CYP39A1: variants seen among roughly 807,000 people sequenced by gnomAD.
CYP39A1 encodes the protein cytochrome P450 family 39 subfamily A member 1, also known as 24-hydroxycholesterol 7-alpha-hydroxylase.
In CYP39A1, 49 loss-of-function variants were observed where a neutral mutation model predicts 58.1. That is an observed-to-expected ratio of 0.84 (90% CI 0.67 to 1.07). The LOEUF is 1.07. Ranked by LOEUF, CYP39A1 falls within the 50% of genes least tolerant of loss-of-function variation. CYP39A1 has a pLI of 0.00. For synonymous variants in CYP39A1, 209 were observed against 187.6 expected (o/e 1.11, Z -0.93); for missense variants, 531 against 539.4 (o/e 0.98, Z 0.16).
At chr6:46,582,876 T>C (rs1001400786) in intron 10 of CYP39A1, among the ~76,000 whole-genome samples, 7 of 152,196 alleles carry the variant, frequency 4.6e-5, no homozygotes, top group African/African-American at 1.7e-4. Context: ...ACCTGACACA[T>C]AGCACACACT....
chr6:46,607,203 A>C (rs1001788486), intron 7 of CYP39A1, among the ~76,000 whole-genome samples: 11 of 152,252 alleles, frequency 7.2e-5, no homozygotes, highest in East Asian at 3.9e-4. Flanking sequence ...AACACACACA[A>C]AAAATACCTG....
intron 10 of CYP39A1, among the ~76,000 whole-genome samples, chr6:46,570,855 C>T (rs1771551745): frequency 6.6e-6 from 1 of 152,198 alleles, no homozygotes; most frequent in Non-Finnish European, 1.5e-5. Flanking sequence ...CCCAATAGGG[C>T]CACCTCCAAT....
intron 9 of CYP39A1, 140 bp from the exon 10 acceptor site, chr6:46,587,305 G>A: frequency 1.5e-6 from 1 of 672,872 alleles, no homozygotes; most frequent in Non-Finnish European, 2.7e-6. Flanking sequence ...TTTCCACCCT[G>A]TTATTAATAT....
chr6:46,639,471 A>G (rs1320632315), intron 3 of CYP39A1, 23 bp downstream of exon 3: 4 of 1,606,898 alleles, frequency 2.5e-6, no homozygotes, highest in Non-Finnish European at 3.4e-6. Context: ...GCAAGACTAA[A>G]TCATACTAAT....
At chr6:46,645,231 ATTC>A (rs1382901660) in intron 1 of CYP39A1, among the ~76,000 whole-genome samples, 4 of 152,156 alleles carry the variant, frequency 2.6e-5, no homozygotes, top group Non-Finnish European at 4.4e-5. Flanking sequence ...TTAGGAAGAT[ATTC>A]TTCTATATTT....
intron 6 of CYP39A1, 29 bp downstream of exon 6, chr6:46,630,934 C>T (rs367872860): frequency 5.4e-6 from 8 of 1,483,104 alleles, no homozygotes; most frequent in African/African-American, 2.8e-5. Flanking sequence ...TGGAGAGCAA[C>T]GTAACTCATA....
intron 7 of CYP39A1, among the ~76,000 whole-genome samples, chr6:46,608,373 A>G (rs1773978777): frequency 6.6e-6 from 1 of 152,176 alleles, no homozygotes; most frequent in Non-Finnish European, 1.5e-5. Flanking sequence ...GAGAACAGAG[A>G]CAAAGCTAAA....
intron 7 of CYP39A1, among the ~76,000 whole-genome samples, chr6:46,621,185 A>T (rs1774934698): frequency 6.6e-6 from 1 of 151,662 alleles, no homozygotes; most frequent in Admixed American, 6.6e-5. Context: ...GAGGAAAAAA[A>T]GGAATCAACA....
chr6:46,648,612 T>C (rs1173717437), intron 1 of CYP39A1, among the ~76,000 whole-genome samples: 1 of 151,892 alleles, frequency 6.6e-6, no homozygotes, highest in Non-Finnish European at 1.5e-5. Context: ...GGCACATGTA[T>C]ACATATGTAA....
chr6:46,584,635 G>T (rs1772351769), intron 10 of CYP39A1, among the ~76,000 whole-genome samples: 1 of 152,078 alleles, frequency 6.6e-6, no homozygotes, highest in East Asian at 1.9e-4. Flanking sequence ...CATACATCAG[G>T]TATTAAGGGG....
intron 10 of CYP39A1, among the ~76,000 whole-genome samples, chr6:46,568,627 G>A (rs959784116): frequency 2.0e-5 from 3 of 151,930 alleles, no homozygotes; most frequent in South Asian, 4.1e-4. Context: ...TTGTCCCAGC[G>A]CCATTCATTG....
At chr6:46,553,246 G>T (rs1055661766) in intron 11 of CYP39A1, among the ~76,000 whole-genome samples, 12 of 152,162 alleles carry the variant, frequency 7.9e-5, no homozygotes, top group Non-Finnish European at 1.5e-5. Flanking sequence ...TATGAGAATA[G>T]ATCTACAGAA....
At chr6:46,558,148 G>T (rs1259370104) in intron 10 of CYP39A1, among the ~76,000 whole-genome samples, 6 of 151,862 alleles carry the variant, frequency 4.0e-5, no homozygotes, top group Non-Finnish European at 8.8e-5. Flanking sequence ...TTAAAGAATA[G>T]AAAGAAAAAT....
intron 10 of CYP39A1, among the ~76,000 whole-genome samples, chr6:46,566,182 G>C (rs9381463): frequency 0.2 from 30,990 of 152,086 alleles, 3,279 homozygotes; most frequent in African/African-American, 0.22. Context: ...TTGTTCTAAT[G>C]GTGATCCTAT....
Position 46,618,534 on chromosome 6 carries a change from A to G in CYP39A1, c.931+6884T>C, listed in dbSNP as rs112796634. Among the ~76,000 whole-genome samples, 1,371 of 152,256 alleles carry G rather than the reference A, an allele frequency of 9.0e-3. 29 individuals are homozygous for G. Among genetic ancestry groups the G allele is most frequent in the African/African-American group, 0.031 (1,290 of 41,552 alleles). On this transcript the variant is annotated intron_variant, in intron 7 of 11. Coordinates refer to ENST00000275016, the MANE Select transcript of CYP39A1 (RefSeq NM_016593.5). ...ATATATGTTTCACCCAAAATTAAGGAACAAAATAAAACCATAGGCAAAAAA... is the reference window on the plus strand; with the variant it reads ...ATATATGTTTCACCCAAAATTAAGGGACAAAATAAAACCATAGGCAAAAAA...
rs17856332 is a variant in CYP39A1 at position 46,625,487 on chromosome 6, A to G, written c.862T>C (p.Tyr288His). ...TGGATATCAGGATGAGAAAGGACGT[A>G]TGCAAGTGTCCAAAATGCAACCTTA... is the stretch of plus-strand genomic sequence containing the variant. The part of the protein sequence containing the change: ...AVPVAFWTLA[Y>H]VLSHPDIHKA... Residue 288 changes from tyrosine (Y) to histidine (H), a missense_variant, in exon 7 of 12, where the codon TAC becomes CAC. Coordinates refer to ENST00000275016, the MANE Select transcript of CYP39A1 (RefSeq NM_016593.5). 26,978 of 1,609,762 alleles carry G rather than the reference A, an allele frequency of 0.017. 262 individuals carry two copies. The highest frequency in any genetic ancestry group is 0.019 in the Non-Finnish European group (22,893 of 1,177,690).
At chr6:46,576,222 GA>G (rs1287458138) in intron 10 of CYP39A1, among the ~76,000 whole-genome samples, 4 of 152,100 alleles carry the variant, frequency 2.6e-5, no homozygotes, top group Non-Finnish European at 5.9e-5. Context: ...ATCATTCGTG[GA>G]AAACATCTCC....
intron 5 of CYP39A1, among the ~76,000 whole-genome samples, chr6:46,631,978 T>C (rs1047335946): frequency 4.6e-5 from 7 of 152,220 alleles, no homozygotes; most frequent in Non-Finnish European, 8.8e-5. Context: ...GTCTAGGTGA[T>C]AGAAATAATG....
intron 10 of CYP39A1, 148 bp downstream of exon 10, chr6:46,586,929 C>A: frequency 1.6e-6 from 1 of 642,968 alleles, no homozygotes; most frequent in South Asian, 2.1e-5. Flanking sequence ...CTGCACAGGA[C>A]CACAGATAAA....
Sources: allele counts gnomAD v4.1 joint callset (sites outside exome capture counted in the v4.1 genomes callset), GRCh38; gene constraint gnomAD v4.1.1; transcripts MANE v1.5; gene names NCBI Gene and HGNC (gene_info 2026-07-23, HGNC 2026-07-21).